PCSK5: variants seen among roughly 807,000 people sequenced by gnomAD.
PCSK5 encodes proprotein convertase subtilisin/kexin type 5.
A neutral mutation model predicts 233.2 loss-of-function variants in PCSK5; 129 were observed. That is an observed-to-expected ratio of 0.55 (90% CI 0.48 to 0.64). PCSK5 has a LOEUF of 0.64. PCSK5 is among the 30% of genes least tolerant of loss of function. PCSK5 has a pLI of 0.00. For missense variants in PCSK5, 2,076 were observed against 2,430.1 expected, an observed-to-expected ratio of 0.85 and a Z score of 3.06; for synonymous variants, 825 against 879.2, an observed-to-expected ratio of 0.94 and a Z score of 1.09.
At chr9:75,900,348 A>G (rs1269605385) in intron 1 of PCSK5, among the ~76,000 whole-genome samples, 3 of 152,190 alleles carry the variant, frequency 2.0e-5, no homozygotes, top group Non-Finnish European at 4.4e-5. Flanking sequence ...TATCTGACAC[A>G]CAAATACTCT....
intron 32 of PCSK5, among the ~76,000 whole-genome samples, chr9:76,327,243 A>C (rs1211096508): frequency 6.6e-6 from 1 of 151,560 alleles, no homozygotes; most frequent in Non-Finnish European, 1.5e-5. Context: ...AGTAGCTGGG[A>C]CTACAGGCAC....
At chr9:76,248,963 A>G (rs1826708090) in intron 24 of PCSK5, among the ~76,000 whole-genome samples, 1 of 152,090 alleles carries the variant, frequency 6.6e-6, no homozygotes, top group African/African-American at 2.4e-5. Context: ...GGGTCTAGCT[A>G]TGTTGCCCAG....
chr9:76,295,197 T>C (rs866558627), intron 25 of PCSK5, 78 bp from the exon 26 acceptor site: 6 of 1,299,256 alleles, frequency 4.6e-6, no homozygotes, highest in Middle Eastern at 1.9e-4. Context: ...TGCATAGACA[T>C]ACATAAGGAG....
At chr9:76,007,320 T>A (rs554403883) in intron 3 of PCSK5, among the ~76,000 whole-genome samples, 1 of 152,332 alleles carries the variant, frequency 6.6e-6, no homozygotes, top group South Asian at 2.1e-4. Flanking sequence ...TTTAGTAGAA[T>A]TTTAATCAAC....
chr9:76,108,626 A>G (rs1832078498), intron 9 of PCSK5, among the ~76,000 whole-genome samples: 1 of 152,136 alleles, frequency 6.6e-6, no homozygotes. Flanking sequence ...GGTGGTGGGC[A>G]CCTGTAGTCC....
intron 7 of PCSK5, among the ~76,000 whole-genome samples, chr9:76,075,495 T>G (rs1830614250): frequency 6.6e-6 from 1 of 152,092 alleles, no homozygotes; most frequent in Non-Finnish European, 1.5e-5. Flanking sequence ...AAGCAGTATA[T>G]TTCTCTTTTC....
chr9:76,227,121 C>T (rs1172644655), intron 20 of PCSK5, among the ~76,000 whole-genome samples: 1 of 152,098 alleles, frequency 6.6e-6, no homozygotes, highest in Non-Finnish European at 1.5e-5. Flanking sequence ...TGACTTGAAC[C>T]AAGACTATAC....
chr9:76,102,594 C>G (rs1209511534), intron 8 of PCSK5, among the ~76,000 whole-genome samples: 1 of 152,132 alleles, frequency 6.6e-6, no homozygotes, highest in East Asian at 1.9e-4. Context: ...GCAGCTATTC[C>G]ATAATCTGCA....
At chr9:75,899,404 T>C (rs1216790273) in intron 1 of PCSK5, among the ~76,000 whole-genome samples, 1 of 152,198 alleles carries the variant, frequency 6.6e-6, no homozygotes, top group Non-Finnish European at 1.5e-5. Flanking sequence ...TCTAGTCTCT[T>C]AGCAAATAGT....
intron 9 of PCSK5, among the ~76,000 whole-genome samples, chr9:76,128,413 ATGAC>A (rs1422844649): frequency 6.6e-6 from 1 of 152,222 alleles, no homozygotes; most frequent in East Asian, 1.9e-4. Context: ...GTGATCTCAA[ATGAC>A]TGACCCTTCC....
At chr9:76,223,759 A>T (rs566543989) in intron 20 of PCSK5, among the ~76,000 whole-genome samples, 1 of 152,324 alleles carries the variant, frequency 6.6e-6, no homozygotes, top group Admixed American at 6.5e-5. Context: ...GGCTCTGTTA[A>T]AAGTTGACTT....
intron 3 of PCSK5, among the ~76,000 whole-genome samples, chr9:76,013,152 G>A (rs894325453): frequency 6.6e-6 from 1 of 151,998 alleles, no homozygotes; most frequent in African/African-American, 2.4e-5. Flanking sequence ...AGTAATTAGG[G>A]GACCACTGTT....
intron 8 of PCSK5, 148 bp from the exon 9 acceptor site, chr9:76,107,102 GT>G: frequency 1.9e-6 from 1 of 533,598 alleles, no homozygotes; most frequent in Non-Finnish European, 3.3e-6. Flanking sequence ...TTCTCTGGAA[GT>G]GATATGATTT....
At chr9:75,984,818 T>G (rs1011335187) in intron 2 of PCSK5, among the ~76,000 whole-genome samples, 1 of 152,166 alleles carries the variant, frequency 6.6e-6, no homozygotes, top group African/African-American at 2.4e-5. Flanking sequence ...TTTTTTGAAA[T>G]GAAGAGGTTA....
intron 17 of PCSK5, among the ~76,000 whole-genome samples, chr9:76,185,501 G>A (rs763934209): frequency 6.6e-5 from 10 of 152,096 alleles, no homozygotes; most frequent in Non-Finnish European, 1.0e-4. Context: ...AACTAGGCAG[G>A]GTCCAGGCAG....
chr9:76,165,635 G>A (rs1316310994), intron 12 of PCSK5, among the ~76,000 whole-genome samples: 1 of 152,166 alleles, frequency 6.6e-6, no homozygotes, highest in Admixed American at 6.5e-5. Context: ...TTGTGCCATC[G>A]CATGCATATA....
chr9:76,261,260 G>A (rs1827165255), intron 24 of PCSK5, among the ~76,000 whole-genome samples: 1 of 152,172 alleles, frequency 6.6e-6, no homozygotes, highest in Admixed American at 6.5e-5. Context: ...GAAACATCAG[G>A]ACAATCCCAA....
chr9:75,908,957 A>G (rs71509845), intron 1 of PCSK5, among the ~76,000 whole-genome samples: 28 of 109,082 alleles, frequency 2.6e-4, no homozygotes, highest in African/African-American at 5.7e-4. Context: ...CTATCTATCT[A>G]TCTATCTATC....
intron 5 of PCSK5, among the ~76,000 whole-genome samples, chr9:76,049,474 G>A (rs1334270118): frequency 6.6e-6 from 1 of 152,220 alleles, no homozygotes; most frequent in East Asian, 1.9e-4. Context: ...AGGGCCCGCA[G>A]TTGCGTGGTG....
Sources: gnomAD v4.1 joint callset for allele counts (sites outside exome capture counted in the v4.1 genomes callset) on GRCh38, gnomAD v4.1.1 for gene constraint, MANE v1.5 for transcripts, NCBI Gene and HGNC (gene_info 2026-07-23, HGNC 2026-07-21) for gene names.